Variants in APBA1 observed in about 807,000 individuals in gnomAD.
APBA1 encodes the protein amyloid beta precursor protein binding family A member 1.
APBA1 carries 55 observed loss-of-function variants against 86.6 expected under a neutral mutation model. That is an observed-to-expected ratio of 0.64 (90% CI 0.51 to 0.80). The LOEUF (loss-of-function observed/expected upper bound fraction) is 0.80, where lower values mean the gene tolerates loss of function less well. Among genes scored for constraint, APBA1 ranks in the 30% least tolerant of loss-of-function variants. APBA1 has a pLI of 0.00. For synonymous variants in APBA1, 511 were observed against 493.9 expected, an observed-to-expected ratio of 1.03 and a Z score of -0.46; for missense variants, 1,090 against 1,183.0, an observed-to-expected ratio of 0.92 and a Z score of 1.15.
intron 1 of APBA1, among the ~76,000 whole-genome samples, chr9:69,648,240 G>A (rs1413522409): frequency 1.3e-5 from 2 of 152,176 alleles, no homozygotes; most frequent in Non-Finnish European, 2.9e-5. Flanking sequence ...GATGAGAAAG[G>A]GGTTAGGAAT....
intron 1 of APBA1, among the ~76,000 whole-genome samples, chr9:69,636,798 A>G (rs1823168600): frequency 1.4e-5 from 1 of 71,954 alleles, no homozygotes; most frequent in Non-Finnish European, 2.9e-5. Flanking sequence ...CTGTCTCAAA[A>G]AAAGAAGAGA....
intron 1 of APBA1, among the ~76,000 whole-genome samples, chr9:69,563,592 A>G (rs764388127): frequency 9.9e-5 from 15 of 152,142 alleles, no homozygotes; most frequent in Non-Finnish European, 2.1e-4. Flanking sequence ...CCTGACTTGT[A>G]TTGGTAGAGA....
At chr9:69,566,249 T>G (rs1460615027) in intron 1 of APBA1, among the ~76,000 whole-genome samples, 1 of 152,184 alleles carries the variant, frequency 6.6e-6, no homozygotes, top group Non-Finnish European at 1.5e-5. Context: ...AACAACATTC[T>G]CATGTGGAGG....
At chr9:69,482,606 A>C (rs904524716) in intron 2 of APBA1, among the ~76,000 whole-genome samples, 1 of 151,416 alleles carries the variant, frequency 6.6e-6, no homozygotes, top group East Asian at 1.9e-4. Flanking sequence ...CATTTGACCC[A>C]GCCATCCCAT....
At chr9:69,655,498 T>G (rs1823591244) in intron 1 of APBA1, among the ~76,000 whole-genome samples, 1 of 151,932 alleles carries the variant, frequency 6.6e-6, no homozygotes, top group South Asian at 2.1e-4. Flanking sequence ...AGCTACAAAA[T>G]AATAAATTAC....
At chr9:69,595,961 T>A (rs1247745460) in intron 1 of APBA1, among the ~76,000 whole-genome samples, 3 of 152,126 alleles carry the variant, frequency 2.0e-5, no homozygotes, top group Non-Finnish European at 4.4e-5. Context: ...AACTTCTTTA[T>A]TGATTGATTG....
At chr9:69,440,943 A>T in intron 11 of APBA1, 53 bp downstream of exon 11, 3 of 1,589,692 alleles carry the variant, frequency 1.9e-6, no homozygotes, top group Non-Finnish European at 1.7e-6. Flanking sequence ...CAGCCATGCT[A>T]CATTTTTATT....
At chr9:69,596,449 G>C (rs542787174) in intron 1 of APBA1, among the ~76,000 whole-genome samples, 1 of 152,090 alleles carries the variant, frequency 6.6e-6, no homozygotes, top group African/African-American at 2.4e-5. Context: ...GGCTCATGGC[G>C]AATGAACAAG....
chr9:69,592,731 C>T (rs1822154355), intron 1 of APBA1, among the ~76,000 whole-genome samples: 1 of 152,196 alleles, frequency 6.6e-6, no homozygotes, highest in East Asian at 1.9e-4. Flanking sequence ...CTTCCCCTTC[C>T]ACCGTGATTG....
intron 1 of APBA1, among the ~76,000 whole-genome samples, chr9:69,620,041 AAC>A (rs1292640195): frequency 6.6e-6 from 1 of 152,194 alleles, no homozygotes; most frequent in Non-Finnish European, 1.5e-5. Context: ...CTGAACTGAA[AAC>A]AGTCTTCCCT....
At chr9:69,476,621 C>G (rs1302329772) in intron 2 of APBA1, among the ~76,000 whole-genome samples, 1 of 151,410 alleles carries the variant, frequency 6.6e-6, no homozygotes, top group South Asian at 2.1e-4. Flanking sequence ...AGAAACCATA[C>G]CACCTGTATT....
chr9:69,641,106 T>G (rs962212886), intron 1 of APBA1, among the ~76,000 whole-genome samples: 1 of 152,108 alleles, frequency 6.6e-6, no homozygotes, highest in African/African-American at 2.4e-5. Flanking sequence ...TAACTGAGTT[T>G]AACAAGGTCA....
intron 2 of APBA1, among the ~76,000 whole-genome samples, chr9:69,483,135 T>TCAAAAAAAA (rs1835547786): frequency 7.6e-6 from 1 of 131,560 alleles, no homozygotes. Flanking sequence ...AAAAATTAAG[T>TCAAAAAAAA]CAAAAAAACA....
intron 2 of APBA1, among the ~76,000 whole-genome samples, chr9:69,500,600 G>A (rs971081053): frequency 5.9e-5 from 9 of 152,058 alleles, no homozygotes; most frequent in African/African-American, 2.2e-4. Context: ...AATTACAGAG[G>A]CAACAGGTTA....
intron 1 of APBA1, among the ~76,000 whole-genome samples, chr9:69,599,006 G>A (rs1822293721): frequency 6.6e-6 from 1 of 152,178 alleles, no homozygotes; most frequent in Non-Finnish European, 1.5e-5. Flanking sequence ...CCTATATGAG[G>A]AAGCTAGAGT....
intron 1 of APBA1, among the ~76,000 whole-genome samples, chr9:69,619,143 T>C (rs1822764622): frequency 6.6e-6 from 1 of 152,186 alleles, no homozygotes; most frequent in African/African-American, 2.4e-5. Context: ...TTTGAGGCAA[T>C]TGAAAGGAAA....
At chr9:69,539,902 T>C (rs1244594585) in intron 1 of APBA1, among the ~76,000 whole-genome samples, 2 of 152,098 alleles carry the variant, frequency 1.3e-5, no homozygotes, top group African/African-American at 4.8e-5. Context: ...GCGGATCTAC[T>C]GAGGTCAGGA....
chr9:69,653,740 A>T (rs1260720381), intron 1 of APBA1, among the ~76,000 whole-genome samples: 1 of 152,266 alleles, frequency 6.6e-6, no homozygotes, highest in Non-Finnish European at 1.5e-5. Flanking sequence ...TAGAAACTTA[A>T]AAATTCCTTG....
chr9:69,449,451 G>A lies in APBA1; in HGVS notation c.2181+133C>T, dbSNP rs915529374. ...GTAAGCTTCCTGAGTGCAAGTCCAC[G>A]CCTTTTGTGTTTGTGTCTTCCTTGG... On this transcript the variant is annotated intron_variant, in intron 10 of 12. Transcript: ENST00000265381. 1.4e-5 allele frequency: 11 copies of A among 803,304 alleles called. No individual in the cohort carries two copies. In the African/African-American group the frequency reaches 1.4e-4, roughly 10 times the overall value. 49.8% of individuals were successfully genotyped at this position (803,304 alleles called of 1,614,324 possible).
Sources: gnomAD v4.1 joint callset for allele counts (sites outside exome capture counted in the v4.1 genomes callset) on GRCh38, gnomAD v4.1.1 for gene constraint, MANE v1.5 for transcripts, NCBI Gene and HGNC (gene_info 2026-07-23, HGNC 2026-07-21) for gene names.